Variants in VDAC1 observed in about 807,000 individuals in gnomAD.
The protein encoded by VDAC1 is non-selective voltage-gated ion channel VDAC1.
A neutral mutation model predicts 34.7 loss-of-function variants in VDAC1; 10 were observed. That is an observed-to-expected ratio of 0.29 (90% CI 0.18 to 0.49). The LOEUF (loss-of-function observed/expected upper bound fraction) is 0.49. Among genes scored for constraint, VDAC1 ranks in the 20% least tolerant of loss-of-function variants. VDAC1 has a pLI of 0.99. For missense variants in VDAC1, 230 were observed against 347.9 expected, an observed-to-expected ratio of 0.66 and a Z score of 2.69; for synonymous variants, 130 against 136.0, an observed-to-expected ratio of 0.96 and a Z score of 0.30.
At chr5:134,007,114 C>G (rs1428211542), upstream of VDAC1, among the ~76,000 whole-genome samples, 7 of 151,978 alleles carry the variant, frequency 4.6e-5, no homozygotes, top group Non-Finnish European at 7.4e-5. Context: ...CATGGTGGCA[C>G]ATGCCTATAA....
upstream of VDAC1, among the ~76,000 whole-genome samples, chr5:134,007,200 C>T (rs922506610): frequency 6.7e-6 from 1 of 149,848 alleles, no homozygotes; most frequent in Non-Finnish European, 1.5e-5. Flanking sequence ...GCTAAGATCT[C>T]ACCATCACAC....
chr5:133,992,057 A>G (rs181117186), intron 3 of VDAC1, among the ~76,000 whole-genome samples: 384 of 152,200 alleles, frequency 2.5e-3, no homozygotes, highest in African/African-American at 8.8e-3. Flanking sequence ...ACCAACATGG[A>G]AAAACCCCGT....
At chr5:134,005,849 A>G (rs1753737353), upstream of VDAC1, among the ~76,000 whole-genome samples, 1 of 152,224 alleles carries the variant, frequency 6.6e-6, no homozygotes, top group African/African-American at 2.4e-5. Flanking sequence ...CCTTTGATCA[A>G]CAAACGTCCT....
rs987315817 is a variant in VDAC1 at position 133,990,764 on chromosome 5, T to C, written c.323+91A>G. 4 of 1,444,038 alleles carry C rather than the reference T, an allele frequency of 2.8e-6. No homozygotes were observed. The African/African-American group carries it at 4.3e-5, about 16-fold the overall frequency. The allele number at this position is 1,444,038 out of a possible 1,614,324, so 89.5% of individuals were successfully genotyped here. ...GTCTCGGAGACCATATTTTAGGTGC[T>C]GTCAGCCCCCAAAACATTTTGTCAC... On this transcript the variant is annotated intron_variant, in intron 5 of 8. Coordinates refer to ENST00000265333, the MANE Select transcript of VDAC1 (RefSeq NM_003374.3).
the VDAC1 span, among the ~76,000 whole-genome samples, chr5:134,064,969 C>G: frequency 1.3e-5 from 2 of 152,174 alleles, no homozygotes; most frequent in African/African-American, 4.8e-5. Context: ...ATCTGCCTGA[C>G]TCAGCCTTCC....
chr5:133,973,066 G>A (rs766568712), intron 8 of VDAC1, among the ~76,000 whole-genome samples: 23 of 152,236 alleles, frequency 1.5e-4, no homozygotes, highest in East Asian at 3.9e-4. Context: ...TTATCCCACC[G>A]CCCAGAGAGC....
At chr5:134,092,645 C>T in the VDAC1 span, among the ~76,000 whole-genome samples, 1 of 148,854 alleles carries the variant, frequency 6.7e-6, no homozygotes. Flanking sequence ...CACTGCACTC[C>T]AGCCCAGGCA....
chr5:134,062,179 G>A, the VDAC1 span, among the ~76,000 whole-genome samples: 1 of 151,534 alleles, frequency 6.6e-6, no homozygotes, highest in Admixed American at 6.6e-5. Context: ...TAGAGATGGG[G>A]TTTCACTATG....
intron 5 of VDAC1, among the ~76,000 whole-genome samples, chr5:133,982,720 T>A (rs1187160809): frequency 2.0e-5 from 3 of 151,536 alleles, no homozygotes; most frequent in African/African-American, 7.3e-5. Flanking sequence ...CAAAACCCCA[T>A]CTCTACTAAA....
chr5:134,006,575 T>G (rs1034946023), upstream of VDAC1, among the ~76,000 whole-genome samples: 2 of 151,956 alleles, frequency 1.3e-5, no homozygotes, highest in Admixed American at 6.5e-5. Context: ...AAACCCTGTC[T>G]CTACTAAAAA....
chr5:134,040,767 G>A, the VDAC1 span, among the ~76,000 whole-genome samples: 2 of 152,146 alleles, frequency 1.3e-5, no homozygotes, highest in East Asian at 3.8e-4. Flanking sequence ...TTGATTCTGT[G>A]TCTCTCCAAA....
chr5:134,083,821 G>A, the VDAC1 span, among the ~76,000 whole-genome samples: 1 of 152,230 alleles, frequency 6.6e-6, no homozygotes, highest in Non-Finnish European at 1.5e-5. Flanking sequence ...CTTAGCAGAG[G>A]CTGGGAATGC....
the VDAC1 span, among the ~76,000 whole-genome samples, chr5:134,047,326 G>C: frequency 2.0e-5 from 3 of 152,126 alleles, no homozygotes; most frequent in Non-Finnish European, 4.4e-5. Flanking sequence ...GAGGGAAGGG[G>C]CACCCACAGA....
At chr5:133,973,658 T>C (rs1365540610) in intron 8 of VDAC1, 133 bp downstream of exon 8, 2 of 719,648 alleles carry the variant, frequency 2.8e-6, no homozygotes, top group African/African-American at 1.8e-5. Flanking sequence ...CATTTAATTA[T>C]ACTTTACATA....
chr5:134,067,857 C>A, the VDAC1 span, among the ~76,000 whole-genome samples: 1 of 152,156 alleles, frequency 6.6e-6, no homozygotes, highest in Non-Finnish European at 1.5e-5. Context: ...ATACCTCAGG[C>A]CTGTAATCCC....
At chr5:133,983,855 G>A (rs1251454759) in intron 5 of VDAC1, among the ~76,000 whole-genome samples, 1 of 149,776 alleles carries the variant, frequency 6.7e-6, no homozygotes, top group East Asian at 2.0e-4. Context: ...GGTTGTTTGC[G>A]TGTGGCACCT....
At chr5:134,110,520 G>A in the VDAC1 span, among the ~76,000 whole-genome samples, 1 of 152,226 alleles carries the variant, frequency 6.6e-6, no homozygotes, top group Non-Finnish European at 1.5e-5. Context: ...AAACTACACA[G>A]AGTTTCCAGA....
In VDAC1 at chr5:133,992,485, C is replaced by T. The variant is rs552753189; in HGVS notation, c.68-130G>A. ...TCCTGCCACAGGGGCTGAGGGCACC[C>T]AGTCTCTGCTGCTGCTCGTGGGGGG... On this transcript the variant is annotated intron_variant, in intron 2 of 8. Coordinates refer to ENST00000265333, the MANE Select transcript of VDAC1 (RefSeq NM_003374.3). 3 of 572,392 alleles carry T rather than the reference C, an allele frequency of 5.2e-6. No individual in the cohort carries two copies. In the East Asian group the frequency reaches 9.7e-5, roughly 19 times the overall value. The allele number at this position is 572,392 out of a possible 1,614,324, so 35.5% of individuals were successfully genotyped here. A position where few individuals can be genotyped will look rare whatever the true frequency, so the allele number is the denominator to read the frequency against.
the VDAC1 span, among the ~76,000 whole-genome samples, chr5:134,086,834 T>G: frequency 6.6e-6 from 1 of 152,206 alleles, no homozygotes; most frequent in African/African-American, 2.4e-5. Flanking sequence ...CGATTTTCCC[T>G]TGTGACGTTC....
Sources: gnomAD v4.1 joint callset for allele counts (sites outside exome capture counted in the v4.1 genomes callset) on GRCh38, gnomAD v4.1.1 for gene constraint, MANE v1.5 for transcripts, NCBI Gene and HGNC (gene_info 2026-07-23, HGNC 2026-07-21) for gene names.